The following PTPRR variants were observed in gnomAD, a reference collection of about 807,000 sequenced individuals.
The protein encoded by PTPRR is protein tyrosine phosphatase receptor type R.
PTPRR carries 38 observed loss-of-function variants against 77.2 expected under a neutral mutation model. That is an observed-to-expected ratio of 0.49 (90% CI 0.38 to 0.65). The LOEUF is 0.65. PTPRR is among the 30% of genes least tolerant of loss of function. The pLI is 0.00. For synonymous variants in PTPRR, 299 were observed against 283.1 expected (o/e 1.06, Z -0.57); for missense variants, 744 against 799.2 (o/e 0.93, Z 0.83).
intron 2 of PTPRR, among the ~76,000 whole-genome samples, chr12:70,827,491 G>A (rs1268354258): frequency 1.3e-5 from 2 of 151,958 alleles, no homozygotes; most frequent in African/African-American, 4.8e-5. Flanking sequence ...CTCACACAGT[G>A]GAGGGGGTAA....
intron 6 of PTPRR, among the ~76,000 whole-genome samples, chr12:70,725,622 C>T (rs1393646238): frequency 6.6e-6 from 1 of 152,004 alleles, no homozygotes; most frequent in Non-Finnish European, 1.5e-5. Context: ...CGAGAGCCAA[C>T]TTAGGTGAGT....
In PTPRR at chr12:70,899,140, CACTT is replaced by C. The variant is rs562431340; in HGVS notation, c.59-6167_59-6164del. ...GGCATAATTGAAAATGTCTACCAAA[CACTT>C]AAAGAAAAAATAACATCAAATCTAT... On this transcript the variant is annotated intron_variant, in intron 1 of 13. Transcript: ENST00000283228. Among the ~76,000 whole-genome samples the C allele has an allele frequency of 2.7e-3, 406 of 151,370 alleles. 3 individuals are homozygous for C. Among genetic ancestry groups the C allele is most frequent in the African/African-American group, 9.4e-3 (388 of 41,430 alleles).
At chr12:70,658,004 T>C (rs1230510480) in intron 12 of PTPRR, among the ~76,000 whole-genome samples, 2 of 152,200 alleles carry the variant, frequency 1.3e-5, no homozygotes, top group Admixed American at 1.3e-4. Flanking sequence ...AATTATATCA[T>C]TCCCTACTCA....
intron 6 of PTPRR, among the ~76,000 whole-genome samples, chr12:70,735,261 A>C (rs1238808525): frequency 6.6e-6 from 1 of 152,208 alleles, no homozygotes; most frequent in Non-Finnish European, 1.5e-5. Context: ...ACTGCTAATA[A>C]AGACATACCT....
At chr12:70,791,755 T>C (rs1891425311) in intron 2 of PTPRR, among the ~76,000 whole-genome samples, 1 of 152,206 alleles carries the variant, frequency 6.6e-6, no homozygotes, top group African/African-American at 2.4e-5. Flanking sequence ...GTCTATAAGA[T>C]GTAATGGTTT....
Position 70,658,883 on chromosome 12 carries a change from G to GTTTTTTTTTTTTTTTTT in PTPRR, c.1766+2040_1766+2056dup, listed in dbSNP as rs746595856. 8.1e-4 allele frequency among the ~76,000 whole-genome samples: 30 copies of GTTTTTTTTTTTTTTTTT among 36,936 alleles called. 3 individuals are homozygous for GTTTTTTTTTTTTTTTTT. Among genetic ancestry groups the GTTTTTTTTTTTTTTTTT allele is most frequent in the Admixed American group, 1.3e-3 (3 of 2,254 alleles). The allele number at this position is 36,936 out of a possible 152,430, so 24.2% of individuals were successfully genotyped here. On this transcript the variant is annotated intron_variant, in intron 12 of 13. Coordinates refer to ENST00000283228, the MANE Select transcript of PTPRR (RefSeq NM_002849.4). ...TTCAACGTTAGGGACTTTTGCTCTA[G>GTTTTTTTTTTTTTTTTT]TTTTTTTTTTTTTTTTTTTTTTTTT...
At chr12:70,830,781 A>G (rs1369388997) in intron 2 of PTPRR, among the ~76,000 whole-genome samples, 1 of 152,230 alleles carries the variant, frequency 6.6e-6, no homozygotes, top group Non-Finnish European at 1.5e-5. Flanking sequence ...GCAGCTGCTA[A>G]TCAGGGCTCT....
chr12:70,685,714 G>C (rs532362493), intron 8 of PTPRR, among the ~76,000 whole-genome samples: 1 of 152,052 alleles, frequency 6.6e-6, no homozygotes, highest in African/African-American at 2.4e-5. Context: ...TGAGTTTTCA[G>C]TCTGCTCATA....
At chr12:70,827,528 TTTTC>T (rs143441415) in intron 2 of PTPRR, among the ~76,000 whole-genome samples, 12,478 of 149,464 alleles carry the variant, frequency 0.083, 500 homozygotes, top group African/African-American at 0.097. Context: ...ATCTTTTCTT[TTTTC>T]TTTCTTTCTT....
In PTPRR at chr12:70,754,273, G is replaced by A. The variant is rs755795381; in HGVS notation, c.656C>T (p.Ala219Val). ...EKNVLQGQHE[A>V]DKIWSKEGFY... is the part of the protein sequence containing the mutation. Reference sequence around the variant, plus strand: ...TCCTTCTTTGCTCCAGATTTTGTCCGCTTCATGCTGCCCTTGTAAAACATT... The same window carrying A: ...TCCTTCTTTGCTCCAGATTTTGTCCACTTCATGCTGCCCTTGTAAAACATT... Residue 219 changes from alanine (A) to valine (V), a missense_variant, in exon 5 of 14, where the codon GCG becomes GTG. Around this residue, in one of 3 missense-constraint regions of PTPRR, gnomAD observed 570 missense variants for 573.2 expected, o/e 0.99. Transcript: ENST00000283228. The A allele has an allele frequency of 6.2e-7, 1 of 1,613,654 alleles. No homozygotes were observed. Among genetic ancestry groups the A allele is most frequent in the South Asian group, 1.1e-5 (1 of 91,074 alleles).
chr12:70,882,633 C>A (rs1592812667), intron 2 of PTPRR, among the ~76,000 whole-genome samples: 1 of 151,624 alleles, frequency 6.6e-6, no homozygotes, highest in East Asian at 1.9e-4. Flanking sequence ...TTTTAATTTG[C>A]CAAAATCTTC....
chr12:70,858,088 C>T (rs1565720322), intron 2 of PTPRR, among the ~76,000 whole-genome samples: 3 of 152,154 alleles, frequency 2.0e-5, no homozygotes, highest in Non-Finnish European at 4.4e-5. Flanking sequence ...CAGGCCATTC[C>T]TGTCCATTGA....
intron 2 of PTPRR, among the ~76,000 whole-genome samples, chr12:70,796,588 C>T (rs1488701785): frequency 6.6e-6 from 1 of 151,996 alleles, no homozygotes; most frequent in African/African-American, 2.4e-5. Context: ...AATGAATTAC[C>T]AAGGTAGAAA....
intron 2 of PTPRR, among the ~76,000 whole-genome samples, chr12:70,872,085 C>T (rs1477487829): frequency 6.6e-6 from 1 of 152,016 alleles, no homozygotes; most frequent in East Asian, 1.9e-4. Context: ...ATAAAATAGA[C>T]GTGATTTTCA....
At chr12:70,670,191 A>T (rs947370344) in intron 10 of PTPRR, among the ~76,000 whole-genome samples, 2 of 152,214 alleles carry the variant, frequency 1.3e-5, no homozygotes, top group East Asian at 3.8e-4. Context: ...GCTGTGTTAA[A>T]CTGAGAGCAG....
intron 4 of PTPRR, among the ~76,000 whole-genome samples, chr12:70,756,839 G>A (rs1411206064): frequency 6.6e-6 from 1 of 152,102 alleles, no homozygotes; most frequent in Non-Finnish European, 1.5e-5. Context: ...AATGCTAGGA[G>A]AGACGATTCA....
intron 2 of PTPRR, among the ~76,000 whole-genome samples, chr12:70,875,448 G>A (rs1395992117): frequency 6.6e-6 from 1 of 151,942 alleles, no homozygotes; most frequent in East Asian, 1.9e-4. Context: ...CAATGAAGTG[G>A]GTAAAAGAAT....
chr12:70,873,993 G>A (rs1893005217), intron 2 of PTPRR, among the ~76,000 whole-genome samples: 1 of 152,174 alleles, frequency 6.6e-6, no homozygotes, highest in African/African-American at 2.4e-5. Flanking sequence ...TATGTGCTAA[G>A]TGGGTTCTGA....
At chr12:70,733,470 C>CAAAA (rs1193950231) in intron 6 of PTPRR, among the ~76,000 whole-genome samples, 10 of 74,074 alleles carry the variant, frequency 1.4e-4, no homozygotes, top group African/African-American at 4.3e-4. Flanking sequence ...AAAATTATGG[C>CAAAA]AAAAAAAAAA....
Sources: gnomAD v4.1 joint callset for allele counts (sites outside exome capture counted in the v4.1 genomes callset) on GRCh38, gnomAD v4.1.1 for gene constraint, gnomAD v4.1.1 regional missense constraint, MANE v1.5 for transcripts, NCBI Gene and HGNC (gene_info 2026-07-23, HGNC 2026-07-21) for gene names.